ESRRG: variants seen among roughly 807,000 people sequenced by gnomAD.
The protein encoded by ESRRG is estrogen related receptor gamma, also known as estrogen-related receptor gamma.
A neutral mutation model predicts 44.0 loss-of-function variants in ESRRG; 13 were observed. The observed-to-expected ratio is 0.30, with a 90% confidence interval of 0.19 to 0.47. The LOEUF (loss-of-function observed/expected upper bound fraction) is 0.47, where lower values mean the gene tolerates loss of function less well. ESRRG is among the 20% of genes least tolerant of loss of function. The pLI is 1.00. For missense variants in ESRRG, 395 were observed against 580.6 expected, an observed-to-expected ratio of 0.68 and a Z score of 3.29; for synonymous variants, 215 against 214.6, an observed-to-expected ratio of 1.00 and a Z score of -0.02.
intron 1 of ESRRG, among the ~76,000 whole-genome samples, chr1:217,038,392 C>T (rs2083287068): frequency 6.6e-6 from 1 of 152,232 alleles, no homozygotes; most frequent in Non-Finnish European, 1.5e-5. Context: ...TAAACTGTGA[C>T]TCTATCTTGA....
At chr1:216,841,542 T>C (rs2095653621) in intron 2 of ESRRG, among the ~76,000 whole-genome samples, 1 of 151,224 alleles carries the variant, frequency 6.6e-6, no homozygotes, top group African/African-American at 2.5e-5. Context: ...GAACAAGGTC[T>C]AGGAGCATTT....
intron 1 of ESRRG, among the ~76,000 whole-genome samples, chr1:217,122,648 G>A (rs967116705): frequency 4.7e-4 from 70 of 150,300 alleles, no homozygotes; most frequent in Admixed American, 2.1e-3. Context: ...AGTCCATGGC[G>A]GGAAAGACAC....
At chr1:217,084,590 C>A (rs1260457813) in intron 1 of ESRRG, among the ~76,000 whole-genome samples, 1 of 152,134 alleles carries the variant, frequency 6.6e-6, no homozygotes, top group African/African-American at 2.4e-5. Context: ...ATAATGTTGG[C>A]AACCTGAATT....
At chr1:216,732,051 C>A (rs2088893571) in intron 2 of ESRRG, among the ~76,000 whole-genome samples, 1 of 144,498 alleles carries the variant, frequency 6.9e-6, no homozygotes, top group African/African-American at 2.6e-5. Context: ...GAAAAGTTAG[C>A]TGTTTAGAAC....
chr1:216,805,397 T>G (rs2148375144), intron 2 of ESRRG: 1 of 152,264 alleles, frequency 6.6e-6, no homozygotes, highest in East Asian at 1.9e-4. Context: ...ACAGAGACAG[T>G]GCATCTGGGT....
intron 2 of ESRRG, among the ~76,000 whole-genome samples, chr1:216,747,347 G>A (rs2091516612): frequency 6.6e-6 from 1 of 152,142 alleles, no homozygotes; most frequent in Admixed American, 6.5e-5. Flanking sequence ...CATATGATGG[G>A]AATAATGTCA....
At chr1:217,056,045 G>A (rs1467060772) in intron 1 of ESRRG, among the ~76,000 whole-genome samples, 1 of 152,020 alleles carries the variant, frequency 6.6e-6, no homozygotes, top group East Asian at 1.9e-4. Flanking sequence ...TCTGGCCAAT[G>A]GAACATGGGT....
intron 1 of ESRRG, among the ~76,000 whole-genome samples, chr1:217,104,410 G>C (rs531103391): frequency 3.3e-5 from 5 of 152,154 alleles, no homozygotes; most frequent in African/African-American, 1.2e-4. Flanking sequence ...ATGAAGCCTG[G>C]ATTCAGAAAG....
At chr1:216,956,646 C>T (rs576787382) in intron 1 of ESRRG, among the ~76,000 whole-genome samples, 1 of 152,180 alleles carries the variant, frequency 6.6e-6, no homozygotes, top group African/African-American at 2.4e-5. Context: ...TCTTAAAATG[C>T]CTTCAAAAAA....
chr1:216,619,214 T>C (rs2061839429), intron 3 of ESRRG, among the ~76,000 whole-genome samples: 1 of 152,258 alleles, frequency 6.6e-6, no homozygotes, highest in African/African-American at 2.4e-5. Context: ...CTTAAGCACA[T>C]GTGTGCATGC....
At chr1:216,541,124 A>G (rs1220185759) in intron 5 of ESRRG, among the ~76,000 whole-genome samples, 2 of 151,998 alleles carry the variant, frequency 1.3e-5, no homozygotes, top group African/African-American at 4.8e-5. Flanking sequence ...TAACAGTTCA[A>G]CCCACAAATA....
chr1:216,973,415 T>A (rs1302624968), intron 1 of ESRRG, among the ~76,000 whole-genome samples: 3 of 152,048 alleles, frequency 2.0e-5, no homozygotes, highest in African/African-American at 7.2e-5. Flanking sequence ...GCTGTTCCCA[T>A]TATGGAATAT....
intron 1 of ESRRG, among the ~76,000 whole-genome samples, chr1:216,981,638 T>C (rs2073991396): frequency 6.6e-6 from 1 of 152,126 alleles, no homozygotes; most frequent in African/African-American, 2.4e-5. Flanking sequence ...GTTCAAATAG[T>C]TACTTATGCT....
intron 5 of ESRRG, among the ~76,000 whole-genome samples, chr1:216,531,203 C>G (rs1302419616): frequency 5.3e-5 from 8 of 152,110 alleles, no homozygotes; most frequent in Non-Finnish European, 1.2e-4. Context: ...TGAAACTCCA[C>G]ACTCAAATAA....
intron 5 of ESRRG, among the ~76,000 whole-genome samples, chr1:216,530,521 T>C (rs2049056738): frequency 6.6e-6 from 1 of 152,118 alleles, no homozygotes; most frequent in African/African-American, 2.4e-5. Context: ...GTCAAAAAGA[T>C]CTTTGTGTAA....
At chr1:217,063,165 G>A (rs2088917182) in intron 1 of ESRRG, among the ~76,000 whole-genome samples, 1 of 152,204 alleles carries the variant, frequency 6.6e-6, no homozygotes, top group East Asian at 1.9e-4. Context: ...GGGAAAAGAG[G>A]GCTGATATGC....
chr1:216,893,495 T>C (rs1040177775), intron 2 of ESRRG, among the ~76,000 whole-genome samples: 11 of 152,194 alleles, frequency 7.2e-5, no homozygotes, highest in African/African-American at 2.7e-4. Flanking sequence ...TATGTTGCTA[T>C]TAAAGAAATA....
At chr1:216,679,302 A>T (rs951976468) in intron 1 of ESRRG, among the ~76,000 whole-genome samples, 2 of 152,188 alleles carry the variant, frequency 1.3e-5, no homozygotes, top group African/African-American at 4.8e-5. Context: ...TGTAATTAAT[A>T]GATCGCTCTC....
chr1:216,682,708 T>TTGTGTGTGTGTGTGTGTGTG (rs1168967350), intron 1 of ESRRG, among the ~76,000 whole-genome samples: 1 of 73,920 alleles, frequency 1.4e-5, no homozygotes, highest in Non-Finnish European at 2.6e-5. Context: ...TAATACTCTA[T>TTGTGTGTGTGTGTGTGTGTG]AGTGTGTGTG....
Sources: gnomAD v4.1 joint callset for allele counts (sites outside exome capture counted in the v4.1 genomes callset) on GRCh38, gnomAD v4.1.1 for gene constraint, MANE v1.5 for transcripts, NCBI Gene and HGNC (gene_info 2026-07-23, HGNC 2026-07-21) for gene names.